SLC5A10: variants seen among roughly 807,000 people sequenced by gnomAD.
SLC5A10 encodes the protein solute carrier family 5 member 10.
A neutral mutation model predicts 68.9 loss-of-function variants in SLC5A10; 55 were observed. The observed-to-expected ratio is 0.80, with a 90% CI of 0.64 to 1.00. SLC5A10 has a LOEUF of 1.00. SLC5A10 is among the 50% of genes least tolerant of loss of function. The probability of loss-of-function intolerance (pLI) is 0.00; values close to 1 mark genes in which losing one functional copy is unlikely to be tolerated. For missense variants in SLC5A10, 732 were observed against 819.3 expected, an observed-to-expected ratio of 0.89 and a Z score of 1.30; for synonymous variants, 344 against 344.8, an observed-to-expected ratio of 1.00 and a Z score of 0.02.
At chr17:18,978,833 G>A (rs1203196467) in intron 9 of SLC5A10, 15 of 1,611,958 alleles carry the variant, frequency 9.3e-6, no homozygotes, top group East Asian at 2.2e-5. Context: ...GTCCGTCCGC[G>A]CGGCCGACCA....
rs898774747 is a variant in SLC5A10 at position 18,971,010 on chromosome 17, C to T, written c.641-3C>T. The T allele has an allele frequency of 1.9e-6, 3 of 1,613,894 alleles. No individual in the cohort carries two copies. The highest frequency in any genetic ancestry group is 1.7e-6 in the Non-Finnish European group (2 of 1,180,016). ...TGTCCCTGTTCCACCCTGACCCCTC[C>T]AGCTTTTGACCAGATCGGTGGTTAC... is the stretch of plus-strand genomic sequence containing the variant. On this transcript the variant is annotated splice_region_variant and splice_polypyrimidine_tract_variant and intron_variant, in intron 7 of 14. Transcript: ENST00000395645. This position sits in a 1 kb window ranked among gnomAD's most constrained non-coding sequence, Gnocchi z 5.5.
rs774223682 is a variant in SLC5A10 at position 18,969,447 on chromosome 17, G to A, written c.640+25G>A. ...GGTGAGGACAGAGTCTGTGGCCATG[G>A]CGGGGCTGTCCCCACAGCGAGCCCT... On this transcript the variant is annotated intron_variant, in intron 7 of 14. Transcript: ENST00000395645. 1.1e-5 allele frequency: 18 copies of A among 1,606,698 alleles called. No individual in the cohort carries two copies. The South Asian group carries it at 1.7e-4, about 15-fold the overall frequency.
At chr17:18,959,690 T>TG (rs774286126) in intron 4 of SLC5A10, 27 bp downstream of exon 4, 2 of 1,612,038 alleles carry the variant, frequency 1.2e-6, no homozygotes, top group Admixed American at 1.7e-5. Flanking sequence ...GGCCTCCAGC[T>TG]GGGGGGCTGG....
intron 9 of SLC5A10, among the ~76,000 whole-genome samples, chr17:19,005,799 C>T (rs895468939): frequency 3.3e-5 from 5 of 152,208 alleles, no homozygotes; most frequent in Admixed American, 2.0e-4. Context: ...TACACTCTGC[C>T]ATATAGCCCC....
rs1467738290 is a variant in SLC5A10 at position 19,017,926 on chromosome 17, G to T, written c.1242-1497G>T. The T allele has an allele frequency of 6.4e-6, 1 of 155,960 alleles. No homozygotes were observed. Among genetic ancestry groups the T allele is most frequent in the African/African-American group, 2.4e-5 (1 of 41,476 alleles). 9.7% of individuals were successfully genotyped at this position (155,960 alleles called of 1,614,324 possible). A position where few individuals can be genotyped will look rare whatever the true frequency, so the allele number is the denominator to read the frequency against. On this transcript the variant is annotated intron_variant, in intron 11 of 14. Transcript: ENST00000395645. The surrounding 1 kb of genome is among the most constrained non-coding windows in gnomAD (Gnocchi z 5.6). ...TAAGAAGGCTGGGTAAGAAAGCGAGGGCCTGGCTGGAGTGGCCCCAGCCCT... is the reference window on the plus strand; with the variant it reads ...TAAGAAGGCTGGGTAAGAAAGCGAGTGCCTGGCTGGAGTGGCCCCAGCCCT...
intron 9 of SLC5A10, among the ~76,000 whole-genome samples, chr17:18,999,210 G>A (rs1309834860): frequency 2.6e-5 from 4 of 152,148 alleles, no homozygotes; most frequent in African/African-American, 7.2e-5. Flanking sequence ...CCCTGGAGGC[G>A]GAGGTTGCGG....
At position 19,003,613 on chromosome 17, in the gene SLC5A10, G is replaced by T; in HGVS notation, c.983-9797G>T. The T allele has an allele frequency of 4.3e-6, 7 of 1,611,776 alleles. No homozygotes were observed. Among genetic ancestry groups the T allele is most frequent in the Non-Finnish European group, 5.9e-6 (7 of 1,179,212 alleles). On this transcript the variant is annotated intron_variant, in intron 9 of 14. Coordinates refer to ENST00000395645, the MANE Select transcript of SLC5A10 (RefSeq NM_001042450.4). This position sits in a 1 kb window ranked among gnomAD's most constrained non-coding sequence, Gnocchi z 4.5. ...GCATGTAGACGCTAGCCCGGGTCAC[G>T]CCGCGGTAGGCGATGGTGTCGGGCC... is the stretch of plus-strand genomic sequence containing the variant.
Position 19,017,034 on chromosome 17 carries a change from G to A in SLC5A10, c.1241+1835G>A, listed in dbSNP as rs376654580. On this transcript the variant is annotated intron_variant, in intron 11 of 14. Coordinates refer to ENST00000395645, the MANE Select transcript of SLC5A10 (RefSeq NM_001042450.4). This position sits in a 1 kb window ranked among gnomAD's most constrained non-coding sequence, Gnocchi z 5.6. Reference sequence around the variant, plus strand: ...AAAAGTCTTGACCTGGCCTCCTGCTGCGCCAGCTCACCCAGCTGCCCGTGC... The same window carrying A: ...AAAAGTCTTGACCTGGCCTCCTGCTACGCCAGCTCACCCAGCTGCCCGTGC... Among the ~76,000 whole-genome samples, 13 of 152,236 alleles carry A rather than the reference G, an allele frequency of 8.5e-5. No individual in the cohort carries two copies. In the East Asian group the frequency reaches 2.5e-3, roughly 29 times the overall value.
intron 9 of SLC5A10, among the ~76,000 whole-genome samples, chr17:19,010,578 C>T (rs1356432347): frequency 1.3e-5 from 2 of 152,210 alleles, no homozygotes; most frequent in African/African-American, 2.4e-5. Flanking sequence ...CAGTGGGACT[C>T]GGGGCGGTTT....
intron 10 of SLC5A10, among the ~76,000 whole-genome samples, chr17:19,014,084 G>A (rs906414600): frequency 1.3e-5 from 2 of 152,188 alleles, no homozygotes; most frequent in East Asian, 1.9e-4. Context: ...ACAGAACCGA[G>A]GCCAGACAAC....
chr17:18,961,059 A>G (rs549756549), intron 5 of SLC5A10, among the ~76,000 whole-genome samples: 71 of 152,016 alleles, frequency 4.7e-4, no homozygotes, highest in Non-Finnish European at 8.1e-4. Context: ...CCTGCCTCTC[A>G]CCCCAAGGCT....
chr17:18,960,456 G>C (rs938825283), intron 4 of SLC5A10, 92 bp from the exon 5 acceptor site: 6 of 1,076,824 alleles, frequency 5.6e-6, no homozygotes, highest in East Asian at 5.0e-5. Flanking sequence ...GCTTTGTGGC[G>C]GGGGGAGAGG....
At chr17:18,967,673 C>T (rs2042739095) in intron 5 of SLC5A10, among the ~76,000 whole-genome samples, 1 of 152,338 alleles carries the variant, frequency 6.6e-6, no homozygotes, top group South Asian at 2.1e-4. Flanking sequence ...TTCTAGAAGC[C>T]TCCTGCTCCC....
intron 9 of SLC5A10, among the ~76,000 whole-genome samples, chr17:18,997,758 C>T (rs960668519): frequency 2.0e-5 from 3 of 152,210 alleles, no homozygotes; most frequent in African/African-American, 7.2e-5. Flanking sequence ...ACTTCCACCC[C>T]AGACTACTCA....
chr17:18,977,636 GCTT>G, intron 9 of SLC5A10: 2 of 1,609,854 alleles, frequency 1.2e-6, no homozygotes, highest in Non-Finnish European at 1.7e-6. Context: ...CAACGCATCT[GCTT>G]CTTCTCTTCC....
intron 9 of SLC5A10, chr17:18,978,772 C>A (rs1437088304): frequency 1.2e-6 from 2 of 1,612,850 alleles, no homozygotes; most frequent in African/African-American, 2.7e-5. Flanking sequence ...CCTGGAACTG[C>A]CGGTCAAACA....
chr17:19,010,429 T>C (rs8070971), intron 9 of SLC5A10, among the ~76,000 whole-genome samples: 31,887 of 151,988 alleles, frequency 0.21, 4,588 homozygotes, highest in African/African-American at 0.41. Flanking sequence ...AGCTCCCCAG[T>C]TCTCACTGCC....
chr17:19,003,355 A>G lies in SLC5A10; in HGVS notation c.983-10055A>G, dbSNP rs2043781221. ...CCCTGCAAAGAAACTGCGGATCCCC[A>G]CGAAGGTGGGGAGGAAACCTCCACC... On this transcript the variant is annotated intron_variant, in intron 9 of 14. Transcript: ENST00000395645. The surrounding 1 kb of genome is among the most constrained non-coding windows in gnomAD (Gnocchi z 4.5). 6.6e-6 allele frequency among the ~76,000 whole-genome samples: 1 copy of G among 152,202 alleles called. No homozygotes were observed. Among genetic ancestry groups the G allele is most frequent in the South Asian group, 2.1e-4 (1 of 4,808 alleles).
chr17:18,985,214 C>T (rs1438064885), intron 9 of SLC5A10, among the ~76,000 whole-genome samples: 1 of 152,208 alleles, frequency 6.6e-6, no homozygotes, highest in Non-Finnish European at 1.5e-5. Context: ...GAAGGCCCAC[C>T]GCACAAACGG....
Sources: allele counts gnomAD v4.1 joint callset (sites outside exome capture counted in the v4.1 genomes callset), GRCh38; gene constraint gnomAD v4.1.1; non-coding constraint Gnocchi (gnomAD v3.1); transcripts MANE v1.5; gene names NCBI Gene and HGNC (gene_info 2026-07-23, HGNC 2026-07-21).